C10orf90: variants seen among roughly 807,000 people sequenced by gnomAD.
C10orf90 encodes chromosome 10 open reading frame 90.
A neutral mutation model predicts 62.5 loss-of-function variants in C10orf90; 56 were observed. The ratio of observed to expected loss-of-function variants is 0.90; its 90% CI spans 0.72 to 1.12. C10orf90 has a LOEUF of 1.12. Ranked by LOEUF, C10orf90 falls within the 50% of genes most tolerant of loss-of-function variation. C10orf90 has a pLI of 0.00. For missense variants in C10orf90, 970 were observed against 880.4 expected (o/e 1.10, Z -1.29); for synonymous variants, 386 against 340.4 (o/e 1.13, Z -1.47).
At chr10:126,494,612 A>T (rs1490092816) in intron 4 of C10orf90, among the ~76,000 whole-genome samples, 1 of 152,230 alleles carries the variant, frequency 6.6e-6, no homozygotes, top group African/African-American at 2.4e-5. Context: ...GCACACAGAA[A>T]ACCAGCATAG....
chr10:126,561,531 C>T (rs1000989177), intron 2 of C10orf90, among the ~76,000 whole-genome samples: 13 of 152,100 alleles, frequency 8.5e-5, no homozygotes, highest in African/African-American at 2.7e-4. Flanking sequence ...CTCCCAGAAT[C>T]GGGTTGGAGG....
At chr10:126,662,628 C>T (rs1846539249) in intron 1 of C10orf90, among the ~76,000 whole-genome samples, 1 of 152,198 alleles carries the variant, frequency 6.6e-6, no homozygotes, top group Non-Finnish European at 1.5e-5. Context: ...AAAATGTCCT[C>T]CCCTTCCCTA....
chr10:126,518,207 G>C (rs1863547382), intron 2 of C10orf90, among the ~76,000 whole-genome samples: 3 of 152,180 alleles, frequency 2.0e-5, no homozygotes, highest in Admixed American at 2.0e-4. Context: ...CCCCAGACCA[G>C]CAGCATCCAC....
intron 4 of C10orf90, among the ~76,000 whole-genome samples, chr10:126,489,398 T>C (rs1861601374): frequency 6.6e-6 from 1 of 152,004 alleles, no homozygotes; most frequent in Non-Finnish European, 1.5e-5. Flanking sequence ...TGAATAAAAA[T>C]GGGCAAAGGA....
intron 7 of C10orf90, among the ~76,000 whole-genome samples, chr10:126,441,310 G>A (rs113317312): frequency 6.6e-6 from 1 of 151,966 alleles, no homozygotes; most frequent in African/African-American, 2.4e-5. Context: ...ACAAGGCATT[G>A]AATTAACCCA....
intron 2 of C10orf90, among the ~76,000 whole-genome samples, chr10:126,556,708 C>T (rs1001125344): frequency 6.6e-5 from 10 of 152,008 alleles, no homozygotes; most frequent in Admixed American, 3.3e-4. Context: ...TGGGTTAAAT[C>T]GTGACCTTGG....
At chr10:126,494,823 T>C (rs984443625) in intron 4 of C10orf90, among the ~76,000 whole-genome samples, 1 of 152,238 alleles carries the variant, frequency 6.6e-6, no homozygotes, top group African/African-American at 2.4e-5. Flanking sequence ...AGAGTAGGCA[T>C]TTGAGGAACA....
intron 1 of C10orf90, among the ~76,000 whole-genome samples, chr10:126,665,264 G>A (rs965003222): frequency 1.3e-5 from 2 of 152,160 alleles, no homozygotes; most frequent in East Asian, 1.9e-4. Context: ...CAGGGGGAAA[G>A]GTGAGACTCC....
At chr10:126,610,029 G>A (rs1200680648) in intron 2 of C10orf90, among the ~76,000 whole-genome samples, 1 of 152,114 alleles carries the variant, frequency 6.6e-6, no homozygotes, top group Non-Finnish European at 1.5e-5. Context: ...CTCCTCCAGG[G>A]GCCCTCAGGA....
intron 4 of C10orf90, among the ~76,000 whole-genome samples, chr10:126,490,013 TTATATATAATATATA>T (rs1564827983): frequency 4.0e-5 from 3 of 74,322 alleles, no homozygotes; most frequent in African/African-American, 1.8e-4. Context: ...ATTATATATA[TTATATATAATATATA>T]ATATATAATA....
At chr10:126,493,155 T>A (rs1404900426) in intron 4 of C10orf90, among the ~76,000 whole-genome samples, 1 of 127,162 alleles carries the variant, frequency 7.9e-6, no homozygotes, top group East Asian at 2.5e-4. Flanking sequence ...TAATCCCTCT[T>A]TTTTGTTGAA....
intron 3 of C10orf90, among the ~76,000 whole-genome samples, chr10:126,505,630 G>A (rs147838908): frequency 6.6e-6 from 1 of 152,296 alleles, no homozygotes; most frequent in African/African-American, 2.4e-5. Context: ...TGGCATCATG[G>A]AAGTCAAGGT....
At chr10:126,490,054 GT>G (rs1175398119) in intron 4 of C10orf90, among the ~76,000 whole-genome samples, 14 of 77,458 alleles carry the variant, frequency 1.8e-4, no homozygotes, top group East Asian at 6.3e-4. Flanking sequence ...TATATATTAT[GT>G]TATATAATAT....
At chr10:126,647,487 C>A (rs1222954084) in intron 1 of C10orf90, among the ~76,000 whole-genome samples, 1 of 152,208 alleles carries the variant, frequency 6.6e-6, no homozygotes, top group Admixed American at 6.5e-5. Flanking sequence ...TCTGGGCAAC[C>A]AGCTCTGGGG....
At chr10:126,478,545 C>A (rs988890473) in intron 4 of C10orf90, among the ~76,000 whole-genome samples, 1 of 152,208 alleles carries the variant, frequency 6.6e-6, no homozygotes, top group Non-Finnish European at 1.5e-5. Context: ...CAAGATGATA[C>A]AGAAAGGCAG....
intron 2 of C10orf90, among the ~76,000 whole-genome samples, chr10:126,601,840 C>G (rs1845204238): frequency 6.6e-6 from 1 of 152,246 alleles, no homozygotes. Flanking sequence ...TGCCCTGGGG[C>G]GTGCCCTGCC....
At chr10:126,428,790 A>C (rs1857405143) in intron 8 of C10orf90, among the ~76,000 whole-genome samples, 1 of 152,198 alleles carries the variant, frequency 6.6e-6, no homozygotes, top group Non-Finnish European at 1.5e-5. Flanking sequence ...GCAACTTTGC[A>C]CTTCTGAAAT....
chr10:126,496,648 C>T (rs1691565413), intron 4 of C10orf90: 7 of 985,274 alleles, frequency 7.1e-6, no homozygotes, highest in Non-Finnish European at 8.4e-6. Context: ...CTTTACTTTT[C>T]ACAACCTACC....
At chr10:126,513,728 C>T (rs2133918844) in intron 3 of C10orf90, 120 bp downstream of exon 3, 1 of 649,014 alleles carries the variant, frequency 1.5e-6, no homozygotes, top group South Asian at 2.0e-5. Context: ...TTGTTTGCTA[C>T]ATTAATTCAA....
Sources: gnomAD v4.1 joint callset for allele counts (sites outside exome capture counted in the v4.1 genomes callset) on GRCh38, gnomAD v4.1.1 for gene constraint, MANE v1.5 for transcripts, NCBI Gene and HGNC (gene_info 2026-07-23, HGNC 2026-07-21) for gene names.